BBS9: variants seen among roughly 807,000 people sequenced by gnomAD.
The protein encoded by BBS9 is protein PTHB1.
Under a neutral mutation model 117.7 loss-of-function variants are expected in BBS9, and 89 were observed. The ratio of observed to expected loss-of-function variants is 0.76; its 90% confidence interval spans 0.64 to 0.90. The LOEUF (loss-of-function observed/expected upper bound fraction) is 0.90. Ranked by LOEUF, BBS9 falls within the 40% of genes least tolerant of loss-of-function variation. BBS9 has a pLI of 0.00. For synonymous variants in BBS9, 379 were observed against 370.9 expected (o/e 1.02, Z -0.25); for missense variants, 982 against 1,042.2 (o/e 0.94, Z 0.80).
chr7:33,503,541 T>TTTCC (rs200528495), intron 19 of BBS9, among the ~76,000 whole-genome samples: 1 of 50,642 alleles, frequency 2.0e-5, no homozygotes, highest in African/African-American at 1.6e-4. Flanking sequence ...CTTGACTGAT[T>TTTCC]TTCCTATTAC....
chr7:33,560,353 A>G (rs1855908459), intron 21 of BBS9, among the ~76,000 whole-genome samples: 1 of 152,160 alleles, frequency 6.6e-6, no homozygotes, highest in Non-Finnish European at 1.5e-5. Context: ...ATCACATTAC[A>G]AACAATTCAA....
chr7:33,549,042 G>A (rs1251168177), intron 21 of BBS9, among the ~76,000 whole-genome samples: 2 of 150,648 alleles, frequency 1.3e-5, no homozygotes, highest in African/African-American at 4.9e-5. Flanking sequence ...CAAGGCTACA[G>A]TAACCAAAAC....
rs553771290 is a variant in BBS9 at position 33,543,313 on chromosome 7, T to TC, written c.2521+9137_2521+9138insC. Among the ~76,000 whole-genome samples, 280 of 151,856 alleles carry TC rather than the reference T, an allele frequency of 1.8e-3. 1 individual carries two copies. The highest frequency in any genetic ancestry group is 6.3e-3 in the African/African-American group (262 of 41,420). On this transcript the variant is annotated intron_variant, in intron 21 of 22. Coordinates refer to ENST00000242067, the MANE Select transcript of BBS9 (RefSeq NM_198428.3). ...AGCCCACTTTTTGATGGGATTGTTT[T>TC]TTTTTTCTTAATGATTTGAGTTTGT...
chr7:33,481,170 A>G (rs1301863117), intron 19 of BBS9, among the ~76,000 whole-genome samples: 1 of 152,196 alleles, frequency 6.6e-6, no homozygotes. Context: ...ACACAAGGAG[A>G]TAGGAAGGAC....
chr7:33,457,011 C>A (rs919304549), intron 19 of BBS9, among the ~76,000 whole-genome samples: 1 of 152,100 alleles, frequency 6.6e-6, no homozygotes, highest in Non-Finnish European at 1.5e-5. Flanking sequence ...ATTTGGTCAC[C>A]ATGGTGCAAG....
chr7:33,411,009 GTGTTTTTTT>G (rs1447766735), intron 19 of BBS9, among the ~76,000 whole-genome samples: 1 of 91,590 alleles, frequency 1.1e-5, no homozygotes, highest in Non-Finnish European at 2.3e-5. Flanking sequence ...TAAAATGTTG[GTGTTTTTTT>G]TTTTTTTTTT....
At chr7:33,186,262 A>G (rs1783113467) in intron 5 of BBS9, among the ~76,000 whole-genome samples, 1 of 152,156 alleles carries the variant, frequency 6.6e-6, no homozygotes, top group South Asian at 2.1e-4. Context: ...AGCTGCAGTG[A>G]TCTAGAGGTG....
chr7:33,241,907 T>G (rs1048028151), intron 5 of BBS9, among the ~76,000 whole-genome samples: 1 of 152,128 alleles, frequency 6.6e-6, no homozygotes, highest in Non-Finnish European at 1.5e-5. Flanking sequence ...GTCTTTGCAG[T>G]TTTCATCTCA....
At position 33,376,785 on chromosome 7, in the gene BBS9, C is replaced by A. The variant is rs779009461; in HGVS notation, c.1790-6881C>A. ...CTCATTTTGGCTTTGACTTGAATTT[C>A]TCTAATGATCAGTGATATTGAGTAT... is the stretch of plus-strand genomic sequence containing the variant. On this transcript the variant is annotated intron_variant, in intron 17 of 22. Transcript: ENST00000242067. 7.9e-5 allele frequency among the ~76,000 whole-genome samples: 12 copies of A among 152,254 alleles called. No individual in the cohort carries two copies. The South Asian group carries it at 2.5e-3, about 32-fold the overall frequency.
At chr7:33,303,268 C>T (rs1307579326) in intron 9 of BBS9, among the ~76,000 whole-genome samples, 1 of 151,970 alleles carries the variant, frequency 6.6e-6, no homozygotes, top group Non-Finnish European at 1.5e-5. Flanking sequence ...TTTCTGTAGT[C>T]CAATTGATCT....
Position 33,198,231 on chromosome 7 carries a change from T to G in BBS9, c.442+20640T>G, listed in dbSNP as rs375910344. 9.2e-5 allele frequency among the ~76,000 whole-genome samples: 14 copies of G among 152,126 alleles called. No homozygotes were observed. In the East Asian group the frequency reaches 2.3e-3, roughly 25 times the overall value. On this transcript the variant is annotated intron_variant, in intron 5 of 22. Coordinates refer to ENST00000242067, the MANE Select transcript of BBS9 (RefSeq NM_198428.3). Reference sequence around the variant, plus strand: ...AACTGAGATGTAATCCTAAATTTAATTTGGAAAGTTATATCATGATTTTAG... The same window carrying G: ...AACTGAGATGTAATCCTAAATTTAAGTTGGAAAGTTATATCATGATTTTAG...
At chr7:33,392,787 T>C (rs1827277733) in intron 19 of BBS9, among the ~76,000 whole-genome samples, 1 of 152,244 alleles carries the variant, frequency 6.6e-6, no homozygotes, top group Non-Finnish European at 1.5e-5. Context: ...CATTAAAATC[T>C]TATTCACTCA....
chr7:33,561,269 C>T (rs1330864101), intron 21 of BBS9, among the ~76,000 whole-genome samples: 6 of 152,202 alleles, frequency 3.9e-5, no homozygotes, highest in African/African-American at 1.4e-4. Flanking sequence ...TCTTCTCTCT[C>T]CGCCCAACTC....
At chr7:33,270,736 T>C (rs7808472) in intron 7 of BBS9, among the ~76,000 whole-genome samples, 17,210 of 152,144 alleles carry the variant, frequency 0.11, 1,148 homozygotes, top group African/African-American at 0.18. Flanking sequence ...TTATGACTCA[T>C]TGGCATCCCT....
At chr7:33,289,527 TAGTC>T (rs1803585065) in intron 9 of BBS9, among the ~76,000 whole-genome samples, 1 of 152,182 alleles carries the variant, frequency 6.6e-6, no homozygotes, top group Non-Finnish European at 1.5e-5. Flanking sequence ...AGTATTTCAG[TAGTC>T]AAAATACAAT....
intron 9 of BBS9, among the ~76,000 whole-genome samples, chr7:33,309,876 G>A (rs977970501): frequency 9.8e-5 from 15 of 152,328 alleles, no homozygotes; most frequent in African/African-American, 3.6e-4. Flanking sequence ...AGCATGGGAA[G>A]AAGAAAGGTC....
At chr7:33,628,401 AAATC>A (rs1263274855) in intron 21 of BBS9, among the ~76,000 whole-genome samples, 4 of 152,224 alleles carry the variant, frequency 2.6e-5, no homozygotes, top group African/African-American at 9.6e-5. Context: ...TAACATTCTG[AAATC>A]AATCAAGATA....
At chr7:33,390,415 G>C (rs528341429) in intron 19 of BBS9, 28 of 984,964 alleles carry the variant, frequency 2.8e-5, no homozygotes, top group Non-Finnish European at 3.3e-5. Context: ...CAGACAAGAC[G>C]ATCAAAACCA....
At chr7:33,361,406 AG>A (rs1820596147) in intron 16 of BBS9, among the ~76,000 whole-genome samples, 1 of 152,214 alleles carries the variant, frequency 6.6e-6, no homozygotes, top group African/African-American at 2.4e-5. Context: ...ATGTACATAC[AG>A]ATTTTTTGTA....
Sources: allele counts gnomAD v4.1 joint callset (sites outside exome capture counted in the v4.1 genomes callset), GRCh38; gene constraint gnomAD v4.1.1; transcripts MANE v1.5; gene names NCBI Gene and HGNC (gene_info 2026-07-23, HGNC 2026-07-21).